The following KIF3B variants were observed in gnomAD, a reference collection of about 807,000 sequenced individuals.
The protein encoded by KIF3B is kinesin-like protein KIF3B.
In KIF3B, 38 loss-of-function variants were observed where a neutral mutation model predicts 74.3. The ratio of observed to expected loss-of-function variants is 0.51; its 90% CI spans 0.39 to 0.67. The LOEUF is 0.67. Ranked by LOEUF, KIF3B falls within the 30% of genes least tolerant of loss-of-function variation. KIF3B has a pLI of 0.00. For synonymous variants in KIF3B, 326 were observed against 342.5 expected (o/e 0.95, Z 0.53); for missense variants, 649 against 932.0 (o/e 0.70, Z 3.95).
chr20:32,288,352 C>T (rs2047676665), intron 1 of KIF3B, among the ~76,000 whole-genome samples: 1 of 151,974 alleles, frequency 6.6e-6, no homozygotes, highest in Non-Finnish European at 1.5e-5. Context: ...TACCCGGGTG[C>T]AGTGGCTTGC....
At chr20:32,327,475 G>A in intron 6 of KIF3B, 81 bp from the exon 7 acceptor site, 1 of 1,119,136 alleles carries the variant, frequency 8.9e-7, no homozygotes, top group Non-Finnish European at 1.3e-6. Context: ...GGAGTTACTT[G>A]CTTCAGGTTC....
chr20:32,307,662 T>C lies in KIF3B; in HGVS notation c.-65-2051T>C, dbSNP rs1294590199. Among the ~76,000 whole-genome samples the C allele has an allele frequency of 3.9e-5, 6 of 152,304 alleles. No individual in the cohort carries two copies. In the East Asian group the frequency reaches 9.6e-4, roughly 24 times the overall value. The stretch of plus-strand genomic sequence containing the variant: ...TAGTTCAAGAGAATATAAGACTTTT[T>C]TTCATTTGTTTAAGAAAAGGTTTTT... On this transcript the variant is annotated intron_variant, in intron 1 of 8. Coordinates refer to ENST00000375712, the MANE Select transcript of KIF3B (RefSeq NM_004798.4).
chr20:32,322,800 ATT>A (rs1569207930), intron 5 of KIF3B, among the ~76,000 whole-genome samples: 3 of 47,060 alleles, frequency 6.4e-5, no homozygotes, highest in African/African-American at 4.4e-4. Flanking sequence ...TTATATATAT[ATT>A]TATATATATT....
At position 32,316,136 on chromosome 20, in the gene KIF3B, A is replaced by G; in HGVS notation, c.1405-82A>G. On this transcript the variant is annotated intron_variant, in intron 2 of 8. Transcript: ENST00000375712. ...CTTTTGGCTCAGTCCTGAGCTCTTT[A>G]TCTTTCACAGGCTCCCCTGTGAGGA... 3.5e-6 allele frequency: 3 copies of G among 849,810 alleles called. No individual in the cohort carries two copies. In the South Asian group the frequency reaches 4.3e-5, roughly 12 times the overall value. The allele number at this position is 849,810 out of a possible 1,614,324, so 52.6% of individuals were successfully genotyped here.
Position 32,326,820 on chromosome 20 carries a change from A to G in KIF3B, c.1798A>G (p.Met600Val), listed in dbSNP as rs1302249567. 2 of 1,594,052 alleles carry G rather than the reference A, an allele frequency of 1.3e-6. No individual in the cohort carries two copies. The highest frequency in any genetic ancestry group is 1.7e-6 in the Non-Finnish European group (2 of 1,164,034). ...CCCTCTGGAAGAAAAAAGTAAAATT[A>G]TGAATAGAGCCTTCTTTGATGAAGA... ...FIPLEEKSKI[M>V]NRAFFDEEED... The change falls in exon 6 of 9, where the codon ATG (methionine) becomes GTG (valine). Residue 600 changes from methionine (M) to valine (V), a missense_variant. Met to Val is a conservative substitution (Grantham distance 21, BLOSUM62 1). Around this residue, in one of 4 missense-constraint regions of KIF3B, gnomAD observed 186 missense variants for 198.5 expected, o/e 0.94. Coordinates refer to ENST00000375712, the MANE Select transcript of KIF3B (RefSeq NM_004798.4).
rs1178503551 is a variant in KIF3B at position 32,333,461 on chromosome 20, C to G, written c.*2142C>G. The G allele has an allele frequency of 6.6e-6, 1 of 151,734 alleles. No homozygotes were observed. Among genetic ancestry groups the G allele is most frequent in the East Asian group, 1.9e-4 (1 of 5,162 alleles). The allele number at this position is 151,734 out of a possible 1,614,324, so 9.4% of individuals were successfully genotyped here. A position where few individuals can be genotyped will look rare whatever the true frequency, so the allele number is the denominator to read the frequency against. On this transcript the variant is annotated 3_prime_UTR_variant, in exon 9 of 9. Coordinates refer to ENST00000375712, the MANE Select transcript of KIF3B (RefSeq NM_004798.4). ...CAGCCTGGCCAACATGGTGAAACCC[C>G]ATCTGTACTAAAAATACAAAAATTT...
chr20:32,322,664 A>ATATATATT lies in KIF3B; in HGVS notation c.1749-4091_1749-4084dup, dbSNP rs1186763168. On this transcript the variant is annotated intron_variant, in intron 5 of 8. Transcript: ENST00000375712. ...TATATATATATTTTTATATATTTAT[A>ATATATATT]TATATATTTATATATTTATATATAT... 6.0e-4 allele frequency among the ~76,000 whole-genome samples: 35 copies of ATATATATT among 58,096 alleles called. 4 individuals are homozygous for ATATATATT. The highest frequency in any genetic ancestry group is 1.2e-3 in the African/African-American group (7 of 6,022). The allele number at this position is 58,096 out of a possible 152,430, so 38.1% of individuals were successfully genotyped here. A position where few individuals can be genotyped will look rare whatever the true frequency, so the allele number is the denominator to read the frequency against.
intron 5 of KIF3B, among the ~76,000 whole-genome samples, chr20:32,324,690 G>A (rs2047893992): frequency 6.6e-6 from 1 of 152,042 alleles, no homozygotes; most frequent in East Asian, 1.9e-4. Flanking sequence ...GTTTTCAAAG[G>A]GATTCTTTTA....
Position 32,279,133 on chromosome 20 carries a change from G to A in KIF3B, c.-66+1368G>A, listed in dbSNP as rs59859452. Among the ~76,000 whole-genome samples the A allele has an allele frequency of 7.0e-3, 1,064 of 152,110 alleles. 12 individuals carry two copies. The highest frequency in any genetic ancestry group is 0.024 in the African/African-American group (975 of 41,488). On this transcript the variant is annotated intron_variant, in intron 1 of 8. Coordinates refer to ENST00000375712, the MANE Select transcript of KIF3B (RefSeq NM_004798.4). ...AGACAAGGTTTCACCATGTTGGCCTGGCTGGTCTCGAACTCCTGGCCTCAA... is the reference window on the plus strand; with the variant it reads ...AGACAAGGTTTCACCATGTTGGCCTAGCTGGTCTCGAACTCCTGGCCTCAA...
At chr20:32,302,390 T>A (rs1415070829) in intron 1 of KIF3B, among the ~76,000 whole-genome samples, 2 of 152,224 alleles carry the variant, frequency 1.3e-5, no homozygotes, top group African/African-American at 4.8e-5. Flanking sequence ...CCTTCCTTTT[T>A]AAAGATTTTT....
At chr20:32,290,797 T>G (rs760600269) in intron 1 of KIF3B, among the ~76,000 whole-genome samples, 2 of 151,566 alleles carry the variant, frequency 1.3e-5, no homozygotes, top group Non-Finnish European at 2.9e-5. Flanking sequence ...GAGGATTGCT[T>G]GAGCCTAGGA....
chr20:32,315,871 T>C (rs958939369), intron 2 of KIF3B, among the ~76,000 whole-genome samples: 18 of 152,248 alleles, frequency 1.2e-4, no homozygotes, highest in African/African-American at 3.8e-4. Flanking sequence ...AGCTTTGTGA[T>C]TCACACTCAC....
chr20:32,283,809 C>CA (rs71185396), intron 1 of KIF3B, among the ~76,000 whole-genome samples: 4,758 of 151,832 alleles, frequency 0.031, 96 homozygotes, highest in Non-Finnish European at 0.049. Flanking sequence ...GACTCCATCT[C>CA]AAAAAAAAGA....
At chr20:32,317,824 A>G (rs2047836051) in intron 5 of KIF3B, among the ~76,000 whole-genome samples, 1 of 152,102 alleles carries the variant, frequency 6.6e-6, no homozygotes, top group South Asian at 2.1e-4. Context: ...AAAATTTTAT[A>G]GAGATAGAGT....
chr20:32,294,151 A>G (rs1458701143), intron 1 of KIF3B, among the ~76,000 whole-genome samples: 1 of 152,054 alleles, frequency 6.6e-6, no homozygotes, highest in African/African-American at 2.4e-5. Flanking sequence ...GTGTTGTCCA[A>G]CAGACTTGAA....
At chr20:32,317,156 G>A (rs2047831937) in intron 5 of KIF3B, among the ~76,000 whole-genome samples, 1 of 152,196 alleles carries the variant, frequency 6.6e-6, no homozygotes, top group African/African-American at 2.4e-5. Context: ...AGAATCGCTT[G>A]AACCCGGGAA....
At chr20:32,298,569 A>T (rs530203732) in intron 1 of KIF3B, among the ~76,000 whole-genome samples, 1 of 152,322 alleles carries the variant, frequency 6.6e-6, no homozygotes, top group East Asian at 1.9e-4. Context: ...AAGTTGAAAT[A>T]TCCTTCCCAT....
At chr20:32,278,921 C>CTTTTTT (rs57355936) in intron 1 of KIF3B, among the ~76,000 whole-genome samples, 9 of 118,406 alleles carry the variant, frequency 7.6e-5, no homozygotes, top group South Asian at 2.9e-4. Context: ...CTTAAGAATC[C>CTTTTTT]TTTTTTTTTT....
rs146174510 is a variant in KIF3B, at chr20:32,310,542, C to G, written c.765C>G (p.Thr255=). Residue 255 remains threonine, a synonymous_variant, in exon 2 of 9, where the codon ACC becomes ACG. Transcript: ENST00000375712. This position sits in a 1 kb window ranked among gnomAD's most constrained non-coding sequence, Gnocchi z 6.5. ...CTGGCAGCGAACGGCAAGCCAAGAC[C>G]GGCGCACAAGGGGAGAGATTAAAAG... is the stretch of plus-strand genomic sequence containing the variant. The part of the protein sequence containing the change: ...DLAGSERQAK[T]GAQGERLKEA... The G allele has an allele frequency of 1.2e-6, 2 of 1,613,954 alleles. No individual in the cohort carries two copies. The highest frequency in any genetic ancestry group is 1.3e-5 in the African/African-American group (1 of 75,024).
Sources: gnomAD v4.1 joint callset for allele counts (sites outside exome capture counted in the v4.1 genomes callset) on GRCh38, gnomAD v4.1.1 for gene constraint, gnomAD v4.1.1 regional missense constraint, Gnocchi (gnomAD v3.1) non-coding constraint, MANE v1.5 for transcripts, NCBI Gene and HGNC (gene_info 2026-07-23, HGNC 2026-07-21) for gene names.